Variants in HOPX observed in about 807,000 individuals in gnomAD.
HOPX encodes the protein HOP homeobox, also known as homeodomain-only protein.
A neutral mutation model predicts 11.8 loss-of-function variants in HOPX; 5 were observed. The observed-to-expected ratio is 0.43, with a 90% CI of 0.22 to 0.89. The LOEUF is 0.89. Ranked by LOEUF, HOPX falls within the 40% of genes least tolerant of loss-of-function variation. HOPX has a pLI of 0.28. For synonymous variants in HOPX, 49 were observed against 49.7 expected (o/e 0.99, Z 0.06); for missense variants, 119 against 120.0 (o/e 0.99, Z 0.04).
intron 3 of HOPX, chr4:56,650,757 C>A: frequency 6.4e-7 from 1 of 1,551,194 alleles, no homozygotes; most frequent in African/African-American, 1.4e-5. Flanking sequence ...GTAGCCTTCT[C>A]TTTGGGGGCT....
At chr4:56,651,444 C>G (rs1053393851) in intron 3 of HOPX, among the ~76,000 whole-genome samples, 3 of 152,188 alleles carry the variant, frequency 2.0e-5, no homozygotes, top group Non-Finnish European at 2.9e-5. Context: ...CAATCTCATG[C>G]ACATCAGTGC....
At chr4:56,666,276 G>A (rs1718436779) in intron 1 of HOPX, among the ~76,000 whole-genome samples, 1 of 152,072 alleles carries the variant, frequency 6.6e-6, no homozygotes, top group South Asian at 2.1e-4. Context: ...GCATCTGATA[G>A]AATAGAAAGG....
At chr4:56,653,905 G>A (rs1292578967) in intron 3 of HOPX, among the ~76,000 whole-genome samples, 2 of 152,154 alleles carry the variant, frequency 1.3e-5, no homozygotes, top group African/African-American at 2.4e-5. Flanking sequence ...ACCCCTAACC[G>A]GATTTTATTT....
chr4:56,653,685 C>T (rs1441100121), intron 3 of HOPX, among the ~76,000 whole-genome samples: 1 of 152,142 alleles, frequency 6.6e-6, no homozygotes, highest in Non-Finnish European at 1.5e-5. Context: ...GGTCCTGTGG[C>T]AGGAAGAGGA....
Position 56,661,289 on chromosome 4 carries a change from C to T in HOPX, c.-83-3390G>A, listed in dbSNP as rs151111478. Among the ~76,000 whole-genome samples, 165 of 152,230 alleles carry T rather than the reference C, an allele frequency of 1.1e-3. 1 individual carries two copies. The highest frequency in any genetic ancestry group is 0.01 in the Middle Eastern group (3 of 294). On this transcript the variant is annotated intron_variant, in intron 1 of 3. Coordinates refer to ENST00000420433, the MANE Select transcript of HOPX (RefSeq NM_032495.6). ...TCCACATTCTGCGTATAGAGAAGTT[C>T]GTTCATATTCAATGCTGTTTTTATT...
At chr4:56,657,693 G>A in intron 2 of HOPX, 82 bp downstream of exon 2, 1 of 730,778 alleles carries the variant, frequency 1.4e-6, no homozygotes, top group African/African-American at 1.7e-5. Flanking sequence ...TACCAGGTCA[G>A]AAACACTTCT....
At chr4:56,655,750 TG>T in intron 3 of HOPX, 106 bp downstream of exon 3, 1 of 1,284,268 alleles carries the variant, frequency 7.8e-7, no homozygotes, top group Non-Finnish European at 1.1e-6. Flanking sequence ...TGGGAGATCA[TG>T]GGGAGGGCAG....
chr4:56,666,857 C>A (rs2109525746), intron 1 of HOPX, among the ~76,000 whole-genome samples: 1 of 151,946 alleles, frequency 6.6e-6, no homozygotes, highest in African/African-American at 2.4e-5. Flanking sequence ...TAGATAAGAT[C>A]CCAGGCTAAC....
intron 1 of HOPX, chr4:56,672,792 G>A (rs973857532): frequency 6.6e-6 from 1 of 151,856 alleles, no homozygotes. Flanking sequence ...ACCGCACCCA[G>A]CCTGACTGGC....
intron 1 of HOPX, among the ~76,000 whole-genome samples, chr4:56,676,963 T>TG (rs936392710): frequency 2.1e-5 from 3 of 143,014 alleles, no homozygotes; most frequent in African/African-American, 7.9e-5. Flanking sequence ...TGGGAGGGGG[T>TG]GGGGGGGCTG....
Position 56,655,891 on chromosome 4 carries a change from G to C in HOPX, c.164C>G (p.Ala55Gly), listed in dbSNP as rs1262686168. The stretch of plus-strand genomic sequence containing the variant: ...CTCCTCGGAAAGGCCTGCCTCGGCC[G>C]CGATGAGGCACAGCGTGGTGGAATC... ...HPDSTTLCLI[A>G]AEAGLSEEET... Residue 55 changes from alanine (A) to glycine (G), a missense_variant, in exon 3 of 4, where the codon GCG becomes GGG. Transcript: ENST00000420433. 6.2e-7 allele frequency: 1 copy of C among 1,611,820 alleles called. No homozygotes were observed. The highest frequency in any genetic ancestry group is 1.3e-5 in the African/African-American group (1 of 74,784).
intron 3 of HOPX, among the ~76,000 whole-genome samples, chr4:56,653,788 G>A (rs1717427390): frequency 6.6e-6 from 1 of 152,176 alleles, no homozygotes; most frequent in Non-Finnish European, 1.5e-5. Flanking sequence ...GGCAGAAGGG[G>A]GGAAATGGGA....
intron 3 of HOPX, 155 bp from the exon 4 acceptor site, chr4:56,648,952 C>T (rs1254417422): frequency 3.6e-6 from 2 of 563,174 alleles, no homozygotes; most frequent in African/African-American, 1.9e-5. Flanking sequence ...CTAAACTTTC[C>T]TGCCTCAGGA....
intron 3 of HOPX, among the ~76,000 whole-genome samples, chr4:56,651,871 AGAGTGTGTGTGT>A (rs1425296295): frequency 2.7e-5 from 3 of 109,520 alleles, no homozygotes; most frequent in Non-Finnish European, 5.9e-5. Context: ...AGAGAGAGAG[AGAGTGTGTGTGT>A]GTGTGTGTGT....
chr4:56,652,344 G>C (rs1444727949), intron 3 of HOPX, among the ~76,000 whole-genome samples: 3 of 152,116 alleles, frequency 2.0e-5, no homozygotes, highest in Non-Finnish European at 2.9e-5. Context: ...GGCAGCTCAG[G>C]CTTCTTTTTG....
chr4:56,668,218 A>G (rs1251741853), intron 1 of HOPX, among the ~76,000 whole-genome samples: 1 of 151,966 alleles, frequency 6.6e-6, no homozygotes, highest in Admixed American at 6.6e-5. Flanking sequence ...AAGCCACCAC[A>G]CGCGGCCAAA....
Position 56,650,626 on chromosome 4 carries a change from T to A in HOPX, c.199-1829A>T, listed in dbSNP as rs1717069640. The A allele has an allele frequency of 2.6e-6, 4 of 1,537,130 alleles. No homozygotes were observed. The South Asian group carries it at 3.6e-5, about 14-fold the overall frequency. ...GGAACACACCTACACCTCACCCACC[T>A]GTACAGCAGAGTTTACACACTGAAA... On this transcript the variant is annotated intron_variant, in intron 3 of 3. Coordinates refer to ENST00000420433, the MANE Select transcript of HOPX (RefSeq NM_032495.6).
chr4:56,660,006 G>A lies in HOPX; in HGVS notation c.-83-2107C>T, dbSNP rs1331524807. Among the ~76,000 whole-genome samples the A allele has an allele frequency of 3.3e-5, 5 of 152,122 alleles. No homozygotes were observed. The East Asian group carries it at 9.6e-4, about 29-fold the overall frequency. On this transcript the variant is annotated intron_variant, in intron 1 of 3. Transcript: ENST00000420433. ...CAGATATTCTCCAATGCTTTCAAAA[G>A]TTCAGAAATGAAATAAAACCCTTTT...
intron 1 of HOPX, among the ~76,000 whole-genome samples, chr4:56,678,438 A>ATT (rs57921708): frequency 0.025 from 2,507 of 100,128 alleles, 89 homozygotes; most frequent in African/African-American, 0.039. Context: ...CTAGTCACTG[A>ATT]TTTTTTTTTT....
Sources: gnomAD v4.1 joint callset for allele counts (sites outside exome capture counted in the v4.1 genomes callset) on GRCh38, gnomAD v4.1.1 for gene constraint, MANE v1.5 for transcripts, NCBI Gene and HGNC (gene_info 2026-07-23, HGNC 2026-07-21) for gene names.